The following TLE2 variants were observed in gnomAD, a reference collection of about 807,000 sequenced individuals.
TLE2 encodes the protein transducin-like enhancer protein 2.
TLE2 carries 74 observed loss-of-function variants against 97.2 expected under a neutral mutation model. That is an observed-to-expected ratio of 0.76 (90% CI 0.63 to 0.92). TLE2 has a LOEUF of 0.92. TLE2 is among the 40% of genes least tolerant of loss of function. TLE2 has a pLI of 0.00. For synonymous variants in TLE2, 499 were observed against 432.1 expected, an observed-to-expected ratio of 1.15 and a Z score of -1.92; for missense variants, 1,038 against 1,008.7, an observed-to-expected ratio of 1.03 and a Z score of -0.39.
intron 19 of TLE2, among the ~76,000 whole-genome samples, chr19:2,999,573 A>G (rs2089304731): frequency 1.3e-5 from 2 of 150,968 alleles, no homozygotes; most frequent in Non-Finnish European, 3.0e-5. Flanking sequence ...TAAAAATACA[A>G]AAAATTAGCC....
chr19:3,033,324 C>T (rs944469786), upstream of TLE2, among the ~76,000 whole-genome samples: 1 of 152,096 alleles, frequency 6.6e-6, no homozygotes. Flanking sequence ...CCCACCACCA[C>T]GCCCAGCTAA....
intron 13 of TLE2, 77 bp downstream of exon 13, chr19:3,009,465 G>A: frequency 3.4e-6 from 5 of 1,467,478 alleles, no homozygotes; most frequent in Non-Finnish European, 4.5e-6. Context: ...GTCTCTCCTT[G>A]TGTAGTTGGT....
chr19:3,013,577 C>G, intron 11 of TLE2, 92 bp downstream of exon 11: 1 of 1,206,014 alleles, frequency 8.3e-7, no homozygotes, highest in Non-Finnish European at 1.1e-6. Context: ...TGGCTGATTT[C>G]TCATCACTGC....
chr19:3,009,484 C>T, intron 13 of TLE2, 58 bp downstream of exon 13: 3 of 1,515,916 alleles, frequency 2.0e-6, no homozygotes, highest in Non-Finnish European at 2.6e-6. Context: ...GTTTCTCCTC[C>T]CGGCCCCCAG....
At chr19:3,031,493 A>G (rs1268293057), upstream of TLE2, among the ~76,000 whole-genome samples, 1 of 151,336 alleles carries the variant, frequency 6.6e-6, no homozygotes, top group Admixed American at 6.6e-5. Flanking sequence ...CCATCTCTTT[A>G]TGTTTTGTTT....
At chr19:3,018,091 G>A (rs748684231) in intron 7 of TLE2, among the ~76,000 whole-genome samples, 2 of 151,958 alleles carry the variant, frequency 1.3e-5, no homozygotes, top group Non-Finnish European at 1.5e-5. Context: ...CAGCCCATTG[G>A]GGGTGATGTT....
At chr19:3,024,764 T>A (rs1320925189) in intron 5 of TLE2, among the ~76,000 whole-genome samples, 2 of 152,208 alleles carry the variant, frequency 1.3e-5, no homozygotes, top group Admixed American at 6.5e-5. Context: ...GTCAGCTCTA[T>A]GCCTTGCTTC....
intron 12 of TLE2, 42 bp from the exon 13 acceptor site, chr19:3,009,744 C>A (rs1440588930): frequency 6.4e-7 from 1 of 1,558,188 alleles, no homozygotes; most frequent in South Asian, 1.2e-5. Context: ...CGCCCTGGAC[C>A]CAGATCCCGC....
At position 3,006,693 on chromosome 19, in the gene TLE2, C is replaced by CCCAG. The variant is rs561922767; in HGVS notation, c.1251-28_1251-25dup. 602 of 1,566,362 alleles carry CCCAG rather than the reference C, an allele frequency of 3.8e-4. 2 individuals are homozygous for CCCAG. In the African/African-American group the frequency reaches 7.1e-3, roughly 18 times the overall value. On this transcript the variant is annotated intron_variant, in intron 14 of 19. Transcript: ENST00000262953. ...CCCTGGAGAGAAAGCCGGGGCATGA[C>CCCAG]CCAGCCCTGGGCACCACGCCCCCGC...
rs1175557686 is a variant in TLE2, at chr19:3,029,084, G to C, written c.-180C>G. The C allele has an allele frequency of 7.8e-7, 1 of 1,279,644 alleles. No homozygotes were observed. Among genetic ancestry groups the C allele is most frequent in the Non-Finnish European group, 9.9e-7 (1 of 1,011,404 alleles). 79.3% of individuals were successfully genotyped at this position (1,279,644 alleles called of 1,614,324 possible). On this transcript the variant is annotated 5_prime_UTR_variant, in exon 1 of 20. Transcript: ENST00000262953. Reference sequence around the variant, plus strand: ...GCGCGCCCCCAAGCGCGCGCGCCCGGGGTCGTGGGAGCCCCTCCCCGGGTT... The same window carrying C: ...GCGCGCCCCCAAGCGCGCGCGCCCGCGGTCGTGGGAGCCCCTCCCCGGGTT...
At position 3,019,440 on chromosome 19, in the gene TLE2, G is replaced by A. The variant is rs2089791697; in HGVS notation, c.393C>T (p.His131=). The A allele has an allele frequency of 1.3e-6, 2 of 1,529,712 alleles. No homozygotes were observed. The highest frequency in any genetic ancestry group is 1.7e-6 in the Non-Finnish European group (2 of 1,143,288). The allele number at this position is 1,529,712 out of a possible 1,614,324, so 94.8% of individuals were successfully genotyped here. Residue 131 remains histidine, a synonymous_variant, in exon 7 of 20, where the codon CAC becomes CAT. Coordinates refer to ENST00000262953, the MANE Select transcript of TLE2 (RefSeq NM_003260.5). This position sits in a 1 kb window ranked among gnomAD's most constrained non-coding sequence, Gnocchi z 5.1. ...LIGQQLQPLS[H]HAPPVPLTPR... is the part of the protein sequence containing the mutation. ...GGGTGAGGGGCACAGGGGGTGCGTG[G>A]TGGGACAGCGGCTGGAGCTGCTGCT...
At chr19:3,029,452 G>A (rs80072460), upstream of TLE2, 94,106 of 968,052 alleles carry the variant, frequency 0.097, 4,959 homozygotes, top group Non-Finnish European at 0.11. Context: ...CTGAGGCCGG[G>A]TGGGGAGGCG....
In TLE2 at chr19:3,019,216, C is replaced by A; in HGVS notation, c.550+67G>T. 1 of 1,530,172 alleles carries A rather than the reference C, an allele frequency of 6.5e-7. No homozygotes were observed. The allele number at this position is 1,530,172 out of a possible 1,614,324, so 94.8% of individuals were successfully genotyped here. ...TCCCCTCACGCTGATGTTTGCTACC[C>A]TGGACTGCCAGTCGTCCTCCCCAGC... On this transcript the variant is annotated intron_variant, in intron 7 of 19. Transcript: ENST00000262953. The surrounding 1 kb of genome is among the most constrained non-coding windows in gnomAD (Gnocchi z 5.1).
intron 1 of TLE2, among the ~76,000 whole-genome samples, chr19:3,038,994 G>T (rs1481944391): frequency 6.6e-6 from 1 of 151,314 alleles, no homozygotes; most frequent in African/African-American, 2.4e-5. Flanking sequence ...AGTGAGCTGA[G>T]ATCGCACCAT....
intron 1 of TLE2, among the ~76,000 whole-genome samples, chr19:3,042,408 AGGGGGCCTGGGAGGAC>A (rs1283428210): frequency 0.083 from 2,262 of 27,152 alleles, 104 homozygotes; most frequent in African/African-American, 0.29. Context: ...GGGAGGGGTA[AGGGGGCCTGGGAGGAC>A]GGTGGGCCTG....
At chr19:3,024,699 G>A (rs2089909638) in intron 5 of TLE2, among the ~76,000 whole-genome samples, 1 of 152,184 alleles carries the variant, frequency 6.6e-6, no homozygotes, top group Non-Finnish European at 1.5e-5. Context: ...TGTCCTGCCT[G>A]AGGCCACACA....
intron 1 of TLE2, among the ~76,000 whole-genome samples, chr19:3,039,453 C>T (rs1367614015): frequency 6.6e-6 from 1 of 152,118 alleles, no homozygotes; most frequent in Non-Finnish European, 1.5e-5. Context: ...AAGACCTCTG[C>T]ACTGCATTGG....
At chr19:3,043,399 G>A (rs1057053991) in intron 1 of TLE2, among the ~76,000 whole-genome samples, 1 of 125,096 alleles carries the variant, frequency 8.0e-6, no homozygotes, top group Admixed American at 9.7e-5. Context: ...AGATGGTCTC[G>A]AACGCCTAAC....
At position 3,005,885 on chromosome 19, in the gene TLE2, G is replaced by A. The variant is rs375483105; in HGVS notation, c.1584C>T (p.Ser528=). ...LIVGGEASTL[S]IWDLAAPTPR... ...GGGTGGGCGCCGCCAGGTCCCAAATGGACAAGGTGCTGGCCTCACCGCCCA... is the reference window on the plus strand; with the variant it reads ...GGGTGGGCGCCGCCAGGTCCCAAATAGACAAGGTGCTGGCCTCACCGCCCA... Residue 528 remains serine (S), a synonymous_variant, in exon 16 of 20, where the codon TCC becomes TCT. Transcript: ENST00000262953. 1.5e-5 allele frequency: 25 copies of A among 1,613,980 alleles called. No individual in the cohort carries two copies. The African/African-American group carries it at 2.8e-4, about 18-fold the overall frequency.
Sources: allele counts gnomAD v4.1 joint callset (sites outside exome capture counted in the v4.1 genomes callset), GRCh38; gene constraint gnomAD v4.1.1; non-coding constraint Gnocchi (gnomAD v3.1); transcripts MANE v1.5; gene names NCBI Gene and HGNC (gene_info 2026-07-23, HGNC 2026-07-21).